Variants in CISD1 observed in about 807,000 individuals in gnomAD.
CISD1 encodes the protein CDGSH iron-sulfur domain-containing protein 1.
A neutral mutation model predicts 12.0 loss-of-function variants in CISD1; 8 were observed. That is an observed-to-expected ratio of 0.67 (90% CI 0.39 to 1.20). CISD1 has a LOEUF of 1.20. Ranked by LOEUF, CISD1 falls within the 50% of genes most tolerant of loss-of-function variation. CISD1 has a pLI of 0.01. For synonymous variants in CISD1, 38 were observed against 42.2 expected (o/e 0.90, Z 0.39); for missense variants, 107 against 132.7 (o/e 0.81, Z 0.95).
chr10:58,284,331 A>C (rs978290488), intron 2 of CISD1, among the ~76,000 whole-genome samples: 13 of 152,092 alleles, frequency 8.5e-5, no homozygotes, highest in African/African-American at 2.9e-4. Context: ...AAAAAAAAAA[A>C]AAACTGTATA....
At chr10:58,282,124 G>A (rs1436621683) in intron 2 of CISD1, among the ~76,000 whole-genome samples, 2 of 152,124 alleles carry the variant, frequency 1.3e-5, no homozygotes, top group African/African-American at 4.8e-5. Context: ...ACCATGCCTG[G>A]CTAATTTTTG....
intron 2 of CISD1, among the ~76,000 whole-genome samples, chr10:58,286,022 G>A (rs1839424573): frequency 1.3e-5 from 2 of 151,914 alleles, no homozygotes; most frequent in South Asian, 4.1e-4. Flanking sequence ...TGGCTAACAC[G>A]GTGAAACCCC....
chr10:58,271,030 C>T (rs1839240846), intron 1 of CISD1, among the ~76,000 whole-genome samples: 1 of 138,692 alleles, frequency 7.2e-6, no homozygotes, highest in African/African-American at 3.0e-5. Flanking sequence ...AGACACCACA[C>T]GTTGCCATGA....
chr10:58,285,750 A>G (rs903135206), intron 2 of CISD1, among the ~76,000 whole-genome samples: 1 of 152,220 alleles, frequency 6.6e-6, no homozygotes, highest in Non-Finnish European at 1.5e-5. Flanking sequence ...ATATAGCAAG[A>G]ATGTTCAGAT....
At chr10:58,274,935 A>G (rs1271988040) in intron 1 of CISD1, among the ~76,000 whole-genome samples, 1 of 152,218 alleles carries the variant, frequency 6.6e-6, no homozygotes, top group Admixed American at 6.5e-5. Context: ...AGTTTCATGT[A>G]GAAATTCCTA....
chr10:58,269,906 G>C lies in CISD1; in HGVS notation c.31+602G>C, dbSNP rs543138139. On this transcript the variant is annotated intron_variant, in intron 1 of 2. Transcript: ENST00000333926. ...GTTCGTTGAACCTTCAGCTTTCTGA[G>C]TCTTCTTTCCCCTGTGCTAGTACCT... Among the ~76,000 whole-genome samples the C allele has an allele frequency of 2.2e-4, 34 of 152,308 alleles. No homozygotes were observed. In the South Asian group the frequency reaches 7.0e-3, roughly 32 times the overall value.
intron 1 of CISD1, among the ~76,000 whole-genome samples, chr10:58,269,813 G>GT (rs1403768348): frequency 3.3e-5 from 5 of 152,126 alleles, no homozygotes; most frequent in Admixed American, 2.0e-4. Context: ...AGTTTTCCCG[G>GT]TTTTTTATTA....
intron 1 of CISD1, among the ~76,000 whole-genome samples, chr10:58,276,560 T>C (rs897774027): frequency 6.6e-6 from 1 of 151,892 alleles, no homozygotes; most frequent in Non-Finnish European, 1.5e-5. Context: ...AGGGTGGTTT[T>C]GTTTTGTTTA....
chr10:58,280,434 T>C (rs1197084187), intron 2 of CISD1, among the ~76,000 whole-genome samples: 6 of 152,152 alleles, frequency 3.9e-5, no homozygotes, highest in Non-Finnish European at 2.9e-5. Flanking sequence ...TCTAAGCATG[T>C]AGGATTAGAA....
intron 1 of CISD1, among the ~76,000 whole-genome samples, chr10:58,271,404 G>A (rs572568457): frequency 2.6e-5 from 4 of 152,280 alleles, no homozygotes; most frequent in Admixed American, 1.3e-4. Flanking sequence ...GAGGCCCAAA[G>A]CCTTTGTAAA....
At chr10:58,285,749 G>C (rs750877645) in intron 2 of CISD1, among the ~76,000 whole-genome samples, 37 of 151,990 alleles carry the variant, frequency 2.4e-4, no homozygotes, top group Non-Finnish European at 3.8e-4. Context: ...TATATAGCAA[G>C]AATGTTCAGA....
intron 2 of CISD1, among the ~76,000 whole-genome samples, chr10:58,281,318 A>G (rs1462783953): frequency 6.6e-6 from 1 of 152,236 alleles, no homozygotes. Flanking sequence ...AGAGAGGACT[A>G]AGAGAGGGAA....
chr10:58,286,673 A>G (rs978713945), intron 2 of CISD1, among the ~76,000 whole-genome samples: 2 of 152,172 alleles, frequency 1.3e-5, no homozygotes, highest in African/African-American at 2.4e-5. Context: ...GCAAAACACT[A>G]TGTTAGAAAT....
At chr10:58,280,632 T>C (rs1408269296) in intron 2 of CISD1, among the ~76,000 whole-genome samples, 1 of 152,106 alleles carries the variant, frequency 6.6e-6, no homozygotes, top group Non-Finnish European at 1.5e-5. Context: ...GAGTCAAGTG[T>C]AGGAATGCAA....
chr10:58,271,175 G>A (rs1381389302), intron 1 of CISD1, among the ~76,000 whole-genome samples: 1 of 149,762 alleles, frequency 6.7e-6, no homozygotes, highest in African/African-American at 2.5e-5. Flanking sequence ...AAGTAGCTGG[G>A]ACTACAGGCG....
At chr10:58,269,448 C>T (rs1839215277) in intron 1 of CISD1, 144 bp downstream of exon 1, 1 of 734,558 alleles carries the variant, frequency 1.4e-6, no homozygotes, top group Admixed American at 2.8e-5. Context: ...CTCGGCCCGG[C>T]TGCGGGCTCC....
At chr10:58,277,055 A>G (rs2254775) in intron 1 of CISD1, 62 bp from the exon 2 acceptor site, 289,283 of 1,161,404 alleles carry the variant, frequency 0.25, 42,421 homozygotes, top group African/African-American at 0.61. Flanking sequence ...TCTGACATGC[A>G]TGTGATATTA....
At chr10:58,269,512 A>C in intron 1 of CISD1, among the ~76,000 whole-genome samples, 1 of 152,204 alleles carries the variant, frequency 6.6e-6, no homozygotes, top group East Asian at 1.9e-4. Context: ...GTTTGGGGCC[A>C]TGCCGGACCA....
chr10:58,274,343 A>G (rs1200461333), intron 1 of CISD1, among the ~76,000 whole-genome samples: 2 of 150,496 alleles, frequency 1.3e-5, no homozygotes, highest in Non-Finnish European at 2.9e-5. Context: ...ATCTCTGTAT[A>G]GTTTCCTTTT....
Sources: allele counts gnomAD v4.1 joint callset (sites outside exome capture counted in the v4.1 genomes callset), GRCh38; gene constraint gnomAD v4.1.1; transcripts MANE v1.5; gene names NCBI Gene and HGNC (gene_info 2026-07-23, HGNC 2026-07-21).